VAV2: variants seen among roughly 807,000 people sequenced by gnomAD.
VAV2 encodes guanine nucleotide exchange factor VAV2.
VAV2 carries 67 observed loss-of-function variants against 132.5 expected under a neutral mutation model. That is an observed-to-expected ratio of 0.51 (90% CI 0.42 to 0.62). The LOEUF (loss-of-function observed/expected upper bound fraction) is 0.62. Ranked by LOEUF, VAV2 falls within the 20% of genes least tolerant of loss-of-function variation. The probability of loss-of-function intolerance (pLI) is 0.00; values close to 1 mark genes in which losing one functional copy is unlikely to be tolerated. For missense variants in VAV2, 938 were observed against 1,153.6 expected, an observed-to-expected ratio of 0.81 and a Z score of 2.71; for synonymous variants, 492 against 443.5, an observed-to-expected ratio of 1.11 and a Z score of -1.37.
Position 133,857,809 on chromosome 9 carries a change from T to TC in VAV2, c.380+3564dup, listed in dbSNP as rs1261051541. 1.3e-5 allele frequency among the ~76,000 whole-genome samples: 2 copies of TC among 152,042 alleles called. No individual in the cohort carries two copies. Among genetic ancestry groups the TC allele is most frequent in the Non-Finnish European group, 2.9e-5 (2 of 67,988 alleles). ...CGTGTGAACCAGTGGAGGTCTGCGC[T>TC]CAACCCCAAGGGCTGCAGAGGGAAA... On this transcript the variant is annotated intron_variant, in intron 3 of 29. Coordinates refer to ENST00000371850, the MANE Select transcript of VAV2 (RefSeq NM_001134398.2). The surrounding 1 kb of genome is among the most constrained non-coding windows in gnomAD (Gnocchi z 4.0).
At chr9:133,785,037 AG>A (rs2131602350) in intron 17 of VAV2, among the ~76,000 whole-genome samples, 1 of 152,260 alleles carries the variant, frequency 6.6e-6, no homozygotes, top group Admixed American at 6.5e-5. Context: ...AAGATGCCCC[AG>A]GCCTCCCCCA....
intron 2 of VAV2, among the ~76,000 whole-genome samples, chr9:133,903,520 T>G (rs1839525333): frequency 6.6e-6 from 1 of 151,720 alleles, no homozygotes; most frequent in African/African-American, 2.4e-5. Context: ...CAGGAGAGGT[T>G]TTGTATCACT....
At chr9:133,770,351 G>A (rs1319248953) in intron 27 of VAV2, 27 bp downstream of exon 27, 2 of 1,613,164 alleles carry the variant, frequency 1.2e-6, no homozygotes, top group African/African-American at 2.7e-5. Flanking sequence ...GAGGAGTGCT[G>A]GTGTGCCGGC....
At position 133,943,075 on chromosome 9, in the gene VAV2, G is replaced by A. The variant is rs879610247; in HGVS notation, c.205-3856C>T. ...GGACGTGGGCACCTGACCAGAGGGC[G>A]GCAGCGCCAAGAATGAAGCCATGTC... is the stretch of plus-strand genomic sequence containing the variant. On this transcript the variant is annotated intron_variant, in intron 1 of 29. Transcript: ENST00000371850. Among the ~76,000 whole-genome samples the A allele has an allele frequency of 1.1e-4, 17 of 152,266 alleles. 1 individual carries two copies. The highest frequency in any genetic ancestry group is 3.4e-4 in the African/African-American group (14 of 41,480).
At chr9:133,901,343 T>TC (rs1386252176) in intron 2 of VAV2, among the ~76,000 whole-genome samples, 6 of 152,120 alleles carry the variant, frequency 3.9e-5, no homozygotes, top group African/African-American at 1.4e-4. Flanking sequence ...GCATGGTTAT[T>TC]CCCCGTTTGT....
chr9:133,887,411 G>A (rs921842245), intron 2 of VAV2, among the ~76,000 whole-genome samples: 1 of 152,096 alleles, frequency 6.6e-6, no homozygotes, highest in Admixed American at 6.5e-5. Context: ...CTGGCCCCAG[G>A]GAATTCACAG....
At position 133,769,215 on chromosome 9, in the gene VAV2, C is replaced by A. The variant is rs1378095388; in HGVS notation, c.2434+202G>T. On this transcript the variant is annotated intron_variant, in intron 28 of 29. Coordinates refer to ENST00000371850, the MANE Select transcript of VAV2 (RefSeq NM_001134398.2). The surrounding 1 kb of genome is among the most constrained non-coding windows in gnomAD (Gnocchi z 8.1). ...GGGGTGGGTGGTGACAATGGCAGGGCCAAGCCTGACGTGTCCTCAGGTGCT... is the reference window on the plus strand; with the variant it reads ...GGGGTGGGTGGTGACAATGGCAGGGACAAGCCTGACGTGTCCTCAGGTGCT... 6.6e-6 allele frequency among the ~76,000 whole-genome samples: 1 copy of A among 152,224 alleles called. No individual in the cohort carries two copies. The highest frequency in any genetic ancestry group is 1.9e-4 in the East Asian group (1 of 5,190).
rs200752684 is a variant in VAV2 at position 133,863,912 on chromosome 9, GAGC to G, written c.322-2483_322-2481del. On this transcript the variant is annotated intron_variant, in intron 2 of 29. Coordinates refer to ENST00000371850, the MANE Select transcript of VAV2 (RefSeq NM_001134398.2). This position sits in a 1 kb window ranked among gnomAD's most constrained non-coding sequence, Gnocchi z 5.0. ...GAAACCCACTGGCCTGAAAGGTTAGGAGCAGAAGTACCTCCCTGCAGGAGGAGG... is the reference window on the plus strand; with the variant it reads ...GAAACCCACTGGCCTGAAAGGTTAGGAGAAGTACCTCCCTGCAGGAGGAGG... 5.7e-3 allele frequency among the ~76,000 whole-genome samples: 875 copies of G among 152,282 alleles called. 10 individuals carry two copies. The highest frequency in any genetic ancestry group is 0.02 in the African/African-American group (836 of 41,560).
intron 3 of VAV2, among the ~76,000 whole-genome samples, chr9:133,853,253 T>A (rs1837256639): frequency 6.6e-6 from 1 of 152,176 alleles, no homozygotes; most frequent in African/African-American, 2.4e-5. Flanking sequence ...GGCCTCCCTC[T>A]ACCCCAGGGC....
chr9:133,764,673 C>T (rs1467365429), intron 29 of VAV2, among the ~76,000 whole-genome samples: 1 of 152,094 alleles, frequency 6.6e-6, no homozygotes, highest in Non-Finnish European at 1.5e-5. Context: ...AGAAGACAAA[C>T]TGTAAGACAG....
Position 133,806,112 on chromosome 9 carries a change from G to A in VAV2, c.805C>T (p.Leu269=). The A allele has an allele frequency of 6.2e-7, 1 of 1,613,052 alleles. No homozygotes were observed. The highest frequency in any genetic ancestry group is 8.5e-7 in the Non-Finnish European group (1 of 1,179,966). Residue 269 remains leucine (L), a synonymous_variant, in exon 9 of 30, where the codon CTG becomes TTG. Coordinates refer to ENST00000371850, the MANE Select transcript of VAV2 (RefSeq NM_001134398.2). ...DVSVMVGGST[L]AKVFLDFKER... is the part of the protein sequence containing the mutation. ...TTGAAATCGAGGAAGACCTTGGCCA[G>A]CGTGCTGCCCCCCACCATCACGGAC... is the stretch of plus-strand genomic sequence containing the variant.
chr9:133,877,525 C>T (rs1056389010), intron 2 of VAV2, among the ~76,000 whole-genome samples: 1 of 152,208 alleles, frequency 6.6e-6, no homozygotes, highest in African/African-American at 2.4e-5. Context: ...TGTTACTATG[C>T]CCCTTGTCAA....
At chr9:133,931,395 G>A (rs1840681981) in intron 2 of VAV2, among the ~76,000 whole-genome samples, 1 of 37,366 alleles carries the variant, frequency 2.7e-5, no homozygotes, top group African/African-American at 4.5e-5. Flanking sequence ...AAGCACCTGC[G>A]CCCAGGGGGC....
At chr9:133,835,176 T>C (rs1836419665) in intron 3 of VAV2, among the ~76,000 whole-genome samples, 1 of 152,202 alleles carries the variant, frequency 6.6e-6, no homozygotes, top group Admixed American at 6.5e-5. Context: ...TCATCTGTCT[T>C]ATGTCAATTT....
At chr9:133,915,080 CT>C (rs1840029352) in intron 2 of VAV2, among the ~76,000 whole-genome samples, 1 of 152,136 alleles carries the variant, frequency 6.6e-6, no homozygotes, top group East Asian at 1.9e-4. Context: ...AAACAGGCCG[CT>C]TGGCCGGAAG....
chr9:133,791,674 G>T, intron 13 of VAV2, 109 bp downstream of exon 13: 1 of 958,786 alleles, frequency 1.0e-6, no homozygotes, highest in Non-Finnish European at 1.7e-6. Flanking sequence ...TCAACAGGCA[G>T]CCATGGTGTG....
intron 2 of VAV2, among the ~76,000 whole-genome samples, chr9:133,871,025 T>A (rs1838013125): frequency 7.1e-6 from 1 of 140,136 alleles, no homozygotes; most frequent in Admixed American, 7.2e-5. Context: ...AACAGATGGA[T>A]GGATGGATGG....
At chr9:133,988,310 CAGA>C (rs1016394717) in intron 1 of VAV2, among the ~76,000 whole-genome samples, 1 of 152,150 alleles carries the variant, frequency 6.6e-6, no homozygotes, top group African/African-American at 2.4e-5. Context: ...GGACATCCCT[CAGA>C]AAGTCCACAA....
rs1329166176 is a variant in VAV2 at position 133,928,228 on chromosome 9, T to C, written c.321+10875A>G. 6.6e-6 allele frequency among the ~76,000 whole-genome samples: 1 copy of C among 152,116 alleles called. No individual in the cohort carries two copies. The highest frequency in any genetic ancestry group is 1.5e-5 in the Non-Finnish European group (1 of 68,016). On this transcript the variant is annotated intron_variant, in intron 2 of 29. Coordinates refer to ENST00000371850, the MANE Select transcript of VAV2 (RefSeq NM_001134398.2). This position sits in a 1 kb window ranked among gnomAD's most constrained non-coding sequence, Gnocchi z 5.4. ...ATGTCTGTGTGTGTGCGTGCATGTGTGTGTCTGTGCCCATGTGCAGCATAT... is the reference window on the plus strand; with the variant it reads ...ATGTCTGTGTGTGTGCGTGCATGTGCGTGTCTGTGCCCATGTGCAGCATAT...
Sources: allele counts gnomAD v4.1 joint callset (sites outside exome capture counted in the v4.1 genomes callset), GRCh38; gene constraint gnomAD v4.1.1; non-coding constraint Gnocchi (gnomAD v3.1); transcripts MANE v1.5; gene names NCBI Gene and HGNC (gene_info 2026-07-23, HGNC 2026-07-21).